GABRB3: variants seen among roughly 807,000 people sequenced by gnomAD.
GABRB3 encodes gamma-aminobutyric acid type A receptor subunit beta3.
A neutral mutation model predicts 52.1 loss-of-function variants in GABRB3; 14 were observed. The ratio of observed to expected loss-of-function variants is 0.27; its 90% CI spans 0.18 to 0.42. The LOEUF is 0.42. Among genes scored for constraint, GABRB3 ranks in the 10% least tolerant of loss-of-function variants. The probability of loss-of-function intolerance (pLI) is 1.00; values close to 1 mark genes in which losing one functional copy is unlikely to be tolerated. For synonymous variants in GABRB3, 260 were observed against 232.3 expected (o/e 1.12, Z -1.08); for missense variants, 307 against 609.1 (o/e 0.50, Z 5.22).
At chr15:26,566,653 G>A (rs1021090040) in intron 7 of GABRB3, among the ~76,000 whole-genome samples, 1 of 152,108 alleles carries the variant, frequency 6.6e-6, no homozygotes, top group South Asian at 2.1e-4. Context: ...TTGAGTTCAG[G>A]AGGTTGAGGC....
intron 3 of GABRB3, among the ~76,000 whole-genome samples, chr15:26,729,549 T>C (rs1566821605): frequency 6.6e-6 from 1 of 152,180 alleles, no homozygotes; most frequent in South Asian, 2.1e-4. Flanking sequence ...AGCCTTTAAG[T>C]TAATCTGGGT....
chr15:26,710,768 A>G (rs1889267242), intron 3 of GABRB3, among the ~76,000 whole-genome samples: 1 of 152,224 alleles, frequency 6.6e-6, no homozygotes. Flanking sequence ...CCATTTTTCA[A>G]CTGGGTTGTG....
chr15:26,596,303 C>G (rs895909256), intron 4 of GABRB3, among the ~76,000 whole-genome samples: 1 of 152,016 alleles, frequency 6.6e-6, no homozygotes, highest in Non-Finnish European at 1.5e-5. Context: ...GGGAATATAA[C>G]AGAATGTTCT....
At chr15:26,731,078 C>G (rs1042101483) in intron 3 of GABRB3, among the ~76,000 whole-genome samples, 21 of 152,092 alleles carry the variant, frequency 1.4e-4, no homozygotes, top group Non-Finnish European at 3.1e-4. Flanking sequence ...CGCTCTCTCT[C>G]TCTCTCTCTA....
In GABRB3 at chr15:26,580,402, A is replaced by G; in HGVS notation, c.599T>C (p.Val200Ala). 6.2e-7 allele frequency: 1 copy of G among 1,614,168 alleles called. No homozygotes were observed. The highest frequency in any genetic ancestry group is 2.2e-5 in the East Asian group (1 of 44,876). The part of the protein sequence containing the change: ...EFYWRGGDKA[V>A]TGVERIELPQ... ...GAGCTCAATCCTTTCCACTCCGGTA[A>G]CAGCCTTGTCCCCGCCTCGCCAGTA... The change falls in exon 6 of 9, where the codon GTT becomes GCT. Residue 200 changes from valine to alanine, a missense_variant. Val to Ala is a moderately conservative substitution (Grantham distance 64). Around this residue, in one of 6 missense-constraint regions of GABRB3, gnomAD observed 23 missense variants for 34.2 expected, o/e 0.67. Coordinates refer to ENST00000311550, the MANE Select transcript of GABRB3 (RefSeq NM_000814.6).
intron 3 of GABRB3, chr15:26,624,437 GC>G: frequency 1.0e-6 from 1 of 985,462 alleles, no homozygotes; most frequent in Non-Finnish European, 1.2e-6. Context: ...CTCCGGATGG[GC>G]TCGCACATGG....
chr15:26,618,853 C>T (rs9707860), intron 4 of GABRB3, among the ~76,000 whole-genome samples: 1,775 of 151,678 alleles, frequency 0.012, 30 homozygotes, highest in African/African-American at 0.041. Flanking sequence ...AAAAAGTGGG[C>T]GAAGGACATG....
intron 3 of GABRB3, among the ~76,000 whole-genome samples, chr15:26,748,214 G>A (rs1890403500): frequency 6.6e-6 from 1 of 151,986 alleles, no homozygotes; most frequent in Non-Finnish European, 1.5e-5. Context: ...TGGTATCAGT[G>A]TAATACTGGT....
chr15:26,711,313 A>G (rs1027043296), intron 3 of GABRB3, among the ~76,000 whole-genome samples: 7 of 152,146 alleles, frequency 4.6e-5, no homozygotes, highest in African/African-American at 1.7e-4. Flanking sequence ...TTCCTAAGCA[A>G]TAAGTTTGAT....
intron 3 of GABRB3, among the ~76,000 whole-genome samples, chr15:26,762,265 A>C (rs927788939): frequency 6.6e-6 from 1 of 152,218 alleles, no homozygotes; most frequent in African/African-American, 2.4e-5. Flanking sequence ...ATTAATTATA[A>C]CAAGTGCTTT....
intron 3 of GABRB3, among the ~76,000 whole-genome samples, chr15:26,693,207 A>G (rs11161330): frequency 0.53 from 80,328 of 152,044 alleles, 23,203 homozygotes; most frequent in East Asian, 0.8. Flanking sequence ...TCAGGTGAAG[A>G]ATACATGTAT....
intron 6 of GABRB3, 31 bp downstream of exon 6, chr15:26,580,288 T>C (rs753127603): frequency 3.1e-6 from 5 of 1,613,976 alleles, no homozygotes; most frequent in Non-Finnish European, 4.2e-6. Context: ...CCAGTGCCCC[T>C]GAAGGGACTA....
At chr15:26,763,398 C>T (rs764820842) in intron 3 of GABRB3, among the ~76,000 whole-genome samples, 3 of 152,064 alleles carry the variant, frequency 2.0e-5, no homozygotes, top group Admixed American at 6.6e-5. Flanking sequence ...CCATTGACTC[C>T]AAGAATTCAC....
At chr15:26,598,969 T>A (rs1891489808) in intron 4 of GABRB3, among the ~76,000 whole-genome samples, 1 of 152,166 alleles carries the variant, frequency 6.6e-6, no homozygotes. Context: ...ATGCTCAGCC[T>A]CAGGGCCTAC....
rs148261461 is a variant in GABRB3 at position 26,622,315 on chromosome 15, A to G, written c.241-781T>C. ...AAAGCAGTTAGTTTATCGAGAACAA[A>G]GTGGGAAAAAAGACAAATCAGAGGC... On this transcript the variant is annotated intron_variant, in intron 3 of 8. Transcript: ENST00000311550. Among the ~76,000 whole-genome samples the G allele has an allele frequency of 2.2e-3, 336 of 152,302 alleles. 3 individuals carry two copies. The highest frequency in any genetic ancestry group is 7.6e-3 in the African/African-American group (316 of 41,558).
rs544310413 is a variant in GABRB3 at position 26,668,745 on chromosome 15, C to T, written c.241-47211G>A. Among the ~76,000 whole-genome samples, 7 of 152,272 alleles carry T rather than the reference C, an allele frequency of 4.6e-5. No homozygotes were observed. The South Asian group carries it at 1.5e-3, about 32-fold the overall frequency. On this transcript the variant is annotated intron_variant, in intron 3 of 8. Transcript: ENST00000311550. ...GGAGTAAATTGTATGACTATAACAT[C>T]TGAGGAAGTGAGCAGCAAAACCTCT...
Position 26,772,774 on chromosome 15 carries a change from TG to T in GABRB3, c.81-3del, listed in dbSNP as rs1281451162. ...GACATGTTCCCGGGATCGTTCACAC[TG>T]GGGGAGGGACGGGGAGCACAAAGAG... On this transcript the variant is annotated splice_polypyrimidine_tract_variant and splice_region_variant and intron_variant, in intron 1 of 8. Transcript: ENST00000311550. The T allele has an allele frequency of 2.1e-6, 3 of 1,447,918 alleles. No individual in the cohort carries two copies. The highest frequency in any genetic ancestry group is 2.4e-5 in the South Asian group (2 of 82,832). The allele number at this position is 1,447,918 out of a possible 1,614,324, so 89.7% of individuals were successfully genotyped here. A position where few individuals can be genotyped will look rare whatever the true frequency, so the allele number is the denominator to read the frequency against.
intron 3 of GABRB3, among the ~76,000 whole-genome samples, chr15:26,669,402 G>T (rs1485625473): frequency 6.6e-6 from 1 of 152,196 alleles, no homozygotes; most frequent in African/African-American, 2.4e-5. Flanking sequence ...TTGATGTGCA[G>T]TGAGCAGTGA....
At chr15:26,722,884 G>A (rs888329751) in intron 3 of GABRB3, among the ~76,000 whole-genome samples, 1 of 152,184 alleles carries the variant, frequency 6.6e-6, no homozygotes, top group Non-Finnish European at 1.5e-5. Context: ...CTGCAACTGT[G>A]ACTGCCTCTC....
Sources: gnomAD v4.1 joint callset for allele counts (sites outside exome capture counted in the v4.1 genomes callset) on GRCh38, gnomAD v4.1.1 for gene constraint, gnomAD v4.1.1 regional missense constraint, MANE v1.5 for transcripts, NCBI Gene and HGNC (gene_info 2026-07-23, HGNC 2026-07-21) for gene names.